PCDH15: variants seen among roughly 807,000 people sequenced by gnomAD.
PCDH15 encodes protocadherin related 15, also known as protocadherin-15.
A neutral mutation model predicts 178.5 loss-of-function variants in PCDH15; 129 were observed. That is an observed-to-expected ratio of 0.72 (90% CI 0.63 to 0.84). The LOEUF is 0.84. Among genes scored for constraint, PCDH15 ranks in the 40% least tolerant of loss-of-function variants. PCDH15 has a pLI of 0.00. For missense variants in PCDH15, 2,230 were observed against 2,099.9 expected (o/e 1.06, Z -1.21); for synonymous variants, 800 against 732.0 (o/e 1.09, Z -1.50).
At chr10:55,192,843 A>T (rs919133666) in intron 1 of PCDH15, among the ~76,000 whole-genome samples, 1 of 151,492 alleles carries the variant, frequency 6.6e-6, no homozygotes, top group Non-Finnish European at 1.5e-5. Context: ...GCACACACTT[A>T]TATGTATAAT....
chr10:54,375,409 G>C (rs373072844), intron 4 of PCDH15, among the ~76,000 whole-genome samples: 31 of 152,180 alleles, frequency 2.0e-4, no homozygotes, highest in African/African-American at 6.7e-4. Context: ...TATGGTCCAA[G>C]ACCAAGTAGT....
chr10:54,972,848 CAAAAAAA>C (rs750356955), intron 2 of PCDH15, among the ~76,000 whole-genome samples: 1 of 53,520 alleles, frequency 1.9e-5, no homozygotes, highest in East Asian at 6.2e-4. Flanking sequence ...GACTCCATCT[CAAAAAAA>C]AAAAAAAAAA....
chr10:54,308,957 T>C (rs2060723313), intron 8 of PCDH15, among the ~76,000 whole-genome samples: 2 of 152,082 alleles, frequency 1.3e-5, no homozygotes, highest in Non-Finnish European at 2.9e-5. Context: ...TTATTTATCA[T>C]TTGTTTCTTC....
chr10:54,247,936 AT>A (rs2056133041), intron 8 of PCDH15, among the ~76,000 whole-genome samples: 1 of 90,086 alleles, frequency 1.1e-5, no homozygotes, highest in Non-Finnish European at 2.2e-5. Flanking sequence ...GCATGAAAGA[AT>A]ATATATATAT....
chr10:54,162,670 G>A (rs1342599412), intron 13 of PCDH15, among the ~76,000 whole-genome samples: 1 of 152,154 alleles, frequency 6.6e-6, no homozygotes. Flanking sequence ...AGATATACTT[G>A]AGAACTCTAC....
intron 15 of PCDH15, among the ~76,000 whole-genome samples, chr10:54,110,721 G>C (rs1268359544): frequency 6.6e-6 from 1 of 152,084 alleles, no homozygotes; most frequent in East Asian, 1.9e-4. Flanking sequence ...TTTAAAAAAA[G>C]CTTTGTTCTT....
At chr10:54,189,266 G>C in intron 11 of PCDH15, 1 of 872,252 alleles carries the variant, frequency 1.1e-6, no homozygotes, top group Non-Finnish European at 1.9e-6. Context: ...GGATAATGAA[G>C]TAATACCTAC....
chr10:55,120,164 T>G (rs1050846781), intron 2 of PCDH15, among the ~76,000 whole-genome samples: 1 of 152,044 alleles, frequency 6.6e-6, no homozygotes, highest in African/African-American at 2.4e-5. Flanking sequence ...GGAGGTGAAT[T>G]AAACAAAATT....
intron 29 of PCDH15, among the ~76,000 whole-genome samples, chr10:53,839,704 T>C (rs1444981301): frequency 6.6e-6 from 1 of 151,956 alleles, no homozygotes. Flanking sequence ...TTAAGTGTGC[T>C]CGAATAACAT....
rs184429703 is a variant in PCDH15, at chr10:54,912,721, G to A, written c.-79-15221C>T. 1.1e-3 allele frequency among the ~76,000 whole-genome samples: 175 copies of A among 152,272 alleles called. 3 individuals carry two copies. Among genetic ancestry groups the A allele is most frequent in the Admixed American group, 0.011 (167 of 15,286 alleles). On this transcript the variant is annotated intron_variant, in intron 2 of 5. Coordinates refer to the PCDH15 transcript ENST00000458638. ...AAAGTGACTTTGGAATTGGGTAATG[G>A]GCAAGGTTGAAACAGTTTGGAGGGC...
At chr10:55,432,111 ACACCAC>A (rs1372656142) in intron 2 of PCDH15, among the ~76,000 whole-genome samples, 1 of 144,082 alleles carries the variant, frequency 6.9e-6, no homozygotes, top group African/African-American at 2.7e-5. Context: ...ACACACACAC[ACACCAC>A]AAGTCTCTCC....
intron 25 of PCDH15, among the ~76,000 whole-genome samples, chr10:53,911,929 C>A (rs758029112): frequency 1.2e-4 from 18 of 152,262 alleles, no homozygotes; most frequent in African/African-American, 4.3e-4. Flanking sequence ...AGAGGGAATC[C>A]TCCCTAACTC....
At chr10:55,464,280 A>G (rs1025414853) in intron 2 of PCDH15, among the ~76,000 whole-genome samples, 2 of 152,196 alleles carry the variant, frequency 1.3e-5, no homozygotes, top group African/African-American at 4.8e-5. Context: ...ATAAAGATGA[A>G]TTGAGATTGT....
chr10:54,695,656 T>C (rs2095211861), intron 1 of PCDH15, among the ~76,000 whole-genome samples: 1 of 152,082 alleles, frequency 6.6e-6, no homozygotes, highest in Non-Finnish European at 1.5e-5. Flanking sequence ...CTGACTATCT[T>C]GTTATGGATG....
At chr10:54,716,343 T>G (rs1164245012) in intron 1 of PCDH15, among the ~76,000 whole-genome samples, 2 of 152,138 alleles carry the variant, frequency 1.3e-5, no homozygotes, top group Non-Finnish European at 2.9e-5. Context: ...GCCTAGAGTT[T>G]GAAATGCAAA....
intron 2 of PCDH15, among the ~76,000 whole-genome samples, chr10:55,059,731 A>G (rs1408678343): frequency 2.6e-5 from 4 of 152,130 alleles, no homozygotes; most frequent in Non-Finnish European, 5.9e-5. Context: ...AGATGTAATG[A>G]AGTTTAAGAA....
intron 1 of PCDH15, among the ~76,000 whole-genome samples, chr10:54,767,103 G>A (rs958467147): frequency 6.6e-6 from 1 of 152,054 alleles, no homozygotes; most frequent in Non-Finnish European, 1.5e-5. Context: ...ACATCTTCAT[G>A]TTCTCTAATC....
chr10:54,373,265 T>A (rs2134836265), intron 4 of PCDH15, among the ~76,000 whole-genome samples: 1 of 131,680 alleles, frequency 7.6e-6, no homozygotes. Flanking sequence ...AAAGTTTGTC[T>A]AATTCTCAGG....
At chr10:53,847,886 T>C (rs1177590433) in intron 28 of PCDH15, among the ~76,000 whole-genome samples, 3 of 152,104 alleles carry the variant, frequency 2.0e-5, no homozygotes, top group Admixed American at 6.5e-5. Context: ...CTACTTCTGT[T>C]TTTCTTTGGA....
Sources: allele counts gnomAD v4.1 joint callset (sites outside exome capture counted in the v4.1 genomes callset), GRCh38; gene constraint gnomAD v4.1.1; transcripts MANE v1.5; gene names NCBI Gene and HGNC (gene_info 2026-07-23, HGNC 2026-07-21).